Variants in PIEZO2 observed in about 807,000 individuals in gnomAD.
PIEZO2 encodes the protein piezo-type mechanosensitive ion channel component 2.
A neutral mutation model predicts 337.3 loss-of-function variants in PIEZO2; 172 were observed. That is an observed-to-expected ratio of 0.51 (90% CI 0.45 to 0.58). The LOEUF (loss-of-function observed/expected upper bound fraction) is 0.58. PIEZO2 is among the 20% of genes least tolerant of loss of function. The probability of loss-of-function intolerance (pLI) is 0.00; values close to 1 mark genes in which losing one functional copy is unlikely to be tolerated. For missense variants in PIEZO2, 3,028 were observed against 3,391.3 expected (o/e 0.89, Z 2.66); for synonymous variants, 1,251 against 1,228.5 (o/e 1.02, Z -0.38).
chr18:10,737,904 C>A (rs935373935), intron 33 of PIEZO2: 5 of 152,182 alleles, frequency 3.3e-5, no homozygotes, highest in African/African-American at 9.7e-5. Flanking sequence ...AAAACCTTGG[C>A]TTGTTTAAAA....
chr18:11,145,083 G>A (rs551283255), intron 1 of PIEZO2, among the ~76,000 whole-genome samples: 2 of 152,288 alleles, frequency 1.3e-5, no homozygotes, highest in East Asian at 1.9e-4. Context: ...ATTAGAGATT[G>A]CATAATATGG....
In PIEZO2 at chr18:10,807,081, G is replaced by A. The variant is rs957318274; in HGVS notation, c.1080+31C>T. ...CGTGGAGATTCTAGGTTACTTTGCA[G>A]ACAAGATCATGAAAATGTTTTTGTC... On this transcript the variant is annotated intron_variant, in intron 8 of 55. Transcript: ENST00000674853. 4 of 1,521,054 alleles carry A rather than the reference G, an allele frequency of 2.6e-6. No individual in the cohort carries two copies. In the Admixed American group the frequency reaches 7.9e-5, roughly 30 times the overall value. The allele number at this position is 1,521,054 out of a possible 1,614,324, so 94.2% of individuals were successfully genotyped here. A position where few individuals can be genotyped will look rare whatever the true frequency, so the allele number is the denominator to read the frequency against.
chr18:10,671,329 T>C lies in PIEZO2; in HGVS notation c.*198A>G, dbSNP rs568584564. The C allele has an allele frequency of 2.0e-6, 1 of 503,366 alleles. No homozygotes were observed. Among genetic ancestry groups the C allele is most frequent in the African/African-American group, 2.0e-5 (1 of 50,862 alleles). 31.2% of individuals were successfully genotyped at this position (503,366 alleles called of 1,614,324 possible). On this transcript the variant is annotated 3_prime_UTR_variant, in exon 56 of 56. Coordinates refer to ENST00000674853, the MANE Select transcript of PIEZO2 (RefSeq NM_001378183.1). ...TAGCCCTGATTTCAGAGAAATGGAGTTACAAATAACATTTTCAACAGTGCC... is the reference window on the plus strand; with the variant it reads ...TAGCCCTGATTTCAGAGAAATGGAGCTACAAATAACATTTTCAACAGTGCC...
chr18:10,758,018 C>T lies in PIEZO2; in HGVS notation c.3874G>A (p.Ala1292Thr). 1.3e-6 allele frequency: 2 copies of T among 1,537,054 alleles called. No individual in the cohort carries two copies. Among genetic ancestry groups the T allele is most frequent in the Non-Finnish European group, 1.7e-6 (2 of 1,146,746 alleles). ...DNVEICMNLD[A>T]ASFSQHNPVP... is the part of the protein sequence containing the mutation. ...GGGTTATGTTGGCTGAAGGAGGCCG[C>T]ATCAAGGTTCATGCAGATCTCGACA... The change falls in exon 27 of 56, where the codon GCG (alanine) becomes ACG (threonine). Residue 1292 changes from alanine to threonine, a missense_variant. By Grantham distance (58) the Ala-to-Thr change is moderately conservative. Coordinates refer to ENST00000674853, the MANE Select transcript of PIEZO2 (RefSeq NM_001378183.1).
At position 11,058,775 on chromosome 18, in the gene PIEZO2, T is replaced by A. The variant is rs144159780; in HGVS notation, c.160+7352A>T. On this transcript the variant is annotated intron_variant, in intron 2 of 55. Coordinates refer to ENST00000674853, the MANE Select transcript of PIEZO2 (RefSeq NM_001378183.1). ...AACCTCCAAGAAATATGGGACTATG[T>A]CTGATTGGTGTACCTGAAAGTGACA... Among the ~76,000 whole-genome samples, 5 of 152,256 alleles carry A rather than the reference T, an allele frequency of 3.3e-5. No homozygotes were observed. In the East Asian group the frequency reaches 9.6e-4, roughly 29 times the overall value.
At chr18:10,696,369 C>T (rs1276017935) in intron 46 of PIEZO2, 23 bp downstream of exon 46, 1 of 1,614,144 alleles carries the variant, frequency 6.2e-7, no homozygotes, top group Non-Finnish European at 8.5e-7. Flanking sequence ...AGGGCGGGTG[C>T]TGTGGCCTTT....
intron 2 of PIEZO2, among the ~76,000 whole-genome samples, chr18:10,997,559 G>C (rs1379677417): frequency 6.6e-6 from 1 of 151,904 alleles, no homozygotes; most frequent in Non-Finnish European, 1.5e-5. Flanking sequence ...TATCAGCAGA[G>C]AAATACAAAC....
At chr18:10,799,696 G>T (rs2039736946) in intron 11 of PIEZO2, among the ~76,000 whole-genome samples, 2 of 152,178 alleles carry the variant, frequency 1.3e-5, no homozygotes, top group African/African-American at 4.8e-5. Context: ...CACTCAGCCG[G>T]GTGCGGTGGC....
In PIEZO2 at chr18:10,746,810, C is replaced by A. The variant is rs543091809; in HGVS notation, c.4424+1661G>T. On this transcript the variant is annotated intron_variant, in intron 30 of 55. Coordinates refer to ENST00000674853, the MANE Select transcript of PIEZO2 (RefSeq NM_001378183.1). This position sits in a 1 kb window ranked among gnomAD's most constrained non-coding sequence, Gnocchi z 4.2. ...TCGGCCGACACTGAATCTGCTCGAA[C>A]CTTGATGTTGGACTTTCCAGCCTGT... is the stretch of plus-strand genomic sequence containing the variant. Among the ~76,000 whole-genome samples the A allele has an allele frequency of 2.0e-5, 3 of 152,274 alleles. No individual in the cohort carries two copies. The highest frequency in any genetic ancestry group is 2.0e-4 in the Admixed American group (3 of 15,296).
intron 37 of PIEZO2, 119 bp from the exon 38 acceptor site, chr18:10,715,935 A>C (rs1413524014): frequency 2.5e-6 from 2 of 789,616 alleles, no homozygotes; most frequent in Non-Finnish European, 3.9e-6. Flanking sequence ...GCATCTAATA[A>C]GGCATGTGAC....
intron 2 of PIEZO2, among the ~76,000 whole-genome samples, chr18:11,050,708 A>G (rs1028745357): frequency 6.6e-6 from 1 of 151,938 alleles, no homozygotes; most frequent in Non-Finnish European, 1.5e-5. Context: ...CTTGGTTACA[A>G]TTGTCACCAA....
rs929916775 is a variant in PIEZO2 at position 10,750,119 on chromosome 18, C to G, written c.4236G>C (p.Leu1412=). The change falls in exon 29 of 56, where the codon CTG becomes CTC. Residue 1412 remains leucine (L), a synonymous_variant. Coordinates refer to ENST00000674853, the MANE Select transcript of PIEZO2 (RefSeq NM_001378183.1). This position sits in a 1 kb window ranked among gnomAD's most constrained non-coding sequence, Gnocchi z 4.1. The part of the protein sequence containing the change: ...NSCWLIQAFS[L]ACTVKGYQMP... ...TTTGATAGCCTTTGACTGTGCAGGC[C>G]AGGCTGAAAGCCTGGATCAACCAAC... 58 of 1,537,106 alleles carry G rather than the reference C, an allele frequency of 3.8e-5. No individual in the cohort carries two copies. The East Asian group carries it at 1.2e-3, about 32-fold the overall frequency.
In PIEZO2 at chr18:10,697,750, C is replaced by G. The variant is rs983328850; in HGVS notation, c.6825G>C (p.Lys2275Asn). 2 of 1,613,644 alleles carry G rather than the reference C, an allele frequency of 1.2e-6. No individual in the cohort carries two copies. Among genetic ancestry groups the G allele is most frequent in the Non-Finnish European group, 1.7e-6 (2 of 1,179,944 alleles). Residue 2275 changes from lysine (K) to asparagine (N), a missense_variant and splice_region_variant, in exon 45 of 56, where the codon AAG becomes AAC. Physicochemically the swap from Lys to Asn is moderately conservative, Grantham distance 94. This residue lies in a region of PIEZO2 where 1,925 missense variants were observed against 2,051.9 expected (regional missense o/e 0.94). Coordinates refer to ENST00000674853, the MANE Select transcript of PIEZO2 (RefSeq NM_001378183.1). ...GCCATATGTTCTCATGGACTCACTT[C>G]TTTATGGTAAAGGCTTTTGCTTTGA... The part of the protein sequence containing the change: ...HLIKAKAFTI[K>N]KTLEIYVPIK...
chr18:10,773,239 G>T lies in PIEZO2; in HGVS notation c.2785+173C>A, dbSNP rs2038665256. 6.6e-6 allele frequency among the ~76,000 whole-genome samples: 1 copy of T among 152,054 alleles called. No individual in the cohort carries two copies. The highest frequency in any genetic ancestry group is 6.5e-5 in the Admixed American group (1 of 15,268). On this transcript the variant is annotated intron_variant, in intron 20 of 55. Transcript: ENST00000674853. This position sits in a 1 kb window ranked among gnomAD's most constrained non-coding sequence, Gnocchi z 5.3. ...ACTCAGTCAGAATTAAAAAGAAATT[G>T]TTGGAGCAATTGGAACAGTAATATT... is the stretch of plus-strand genomic sequence containing the variant.
chr18:10,715,033 G>A (rs962134826), intron 38 of PIEZO2, 103 bp from the exon 39 acceptor site: 49 of 1,198,192 alleles, frequency 4.1e-5, no homozygotes, highest in Non-Finnish European at 5.3e-5. Flanking sequence ...ATGCATGCCT[G>A]GATAAGGATT....
rs1472077597 is a variant in PIEZO2, at chr18:10,888,103, A to G, written c.330-16688T>C. The stretch of plus-strand genomic sequence containing the variant: ...TATTAACTGTCATGATGGCTGCCTA[A>G]TGGTGGTCATTGATGCCCCTAAATA... On this transcript the variant is annotated intron_variant, in intron 4 of 55. Coordinates refer to ENST00000674853, the MANE Select transcript of PIEZO2 (RefSeq NM_001378183.1). This position sits in a 1 kb window ranked among gnomAD's most constrained non-coding sequence, Gnocchi z 4.1. Among the ~76,000 whole-genome samples, 1 of 152,240 alleles carries G rather than the reference A, an allele frequency of 6.6e-6. No individual in the cohort carries two copies. The highest frequency in any genetic ancestry group is 2.4e-5 in the African/African-American group (1 of 41,460).
chr18:10,682,084 G>A lies in PIEZO2; in HGVS notation c.7686+20C>T, dbSNP rs1409915602. The A allele has an allele frequency of 6.6e-7, 1 of 1,525,204 alleles. No individual in the cohort carries two copies. Among genetic ancestry groups the A allele is most frequent in the Non-Finnish European group, 8.8e-7 (1 of 1,139,538 alleles). 94.5% of individuals were successfully genotyped at this position (1,525,204 alleles called of 1,614,324 possible). Reference sequence around the variant, plus strand: ...GGCGTGGGGCAAGGCTCTGGTAGGTGGGGTGTGCACAGAGATCACCTGATA... The same window carrying A: ...GGCGTGGGGCAAGGCTCTGGTAGGTAGGGTGTGCACAGAGATCACCTGATA... On this transcript the variant is annotated intron_variant, in intron 50 of 55. Transcript: ENST00000674853. This position sits in a 1 kb window ranked among gnomAD's most constrained non-coding sequence, Gnocchi z 5.6.
At chr18:10,715,047 A>G in intron 38 of PIEZO2, 117 bp from the exon 39 acceptor site, 1 of 1,039,598 alleles carries the variant, frequency 9.6e-7, no homozygotes, top group African/African-American at 1.6e-5. Flanking sequence ...AAGGATTAGG[A>G]CCATGCTAGG....
chr18:11,076,920 C>T lies in PIEZO2; in HGVS notation c.65-10698G>A, dbSNP rs940600243. On this transcript the variant is annotated intron_variant, in intron 1 of 55. Transcript: ENST00000674853. ...CTCTTCATCATCTTACAAGTGCACC[C>T]ATACAAAGTTGTACTTAAAACCCAA... Among the ~76,000 whole-genome samples, 5 of 152,276 alleles carry T rather than the reference C, an allele frequency of 3.3e-5. No homozygotes were observed. In the East Asian group the frequency reaches 9.7e-4, roughly 29 times the overall value.
Sources: gnomAD v4.1 joint callset for allele counts (sites outside exome capture counted in the v4.1 genomes callset) on GRCh38, gnomAD v4.1.1 for gene constraint, gnomAD v4.1.1 regional missense constraint, Gnocchi (gnomAD v3.1) non-coding constraint, MANE v1.5 for transcripts, NCBI Gene and HGNC (gene_info 2026-07-23, HGNC 2026-07-21) for gene names.